The following CDON variants were observed in gnomAD, a reference collection of about 807,000 sequenced individuals.
CDON encodes the protein cell adhesion molecule-related/down-regulated by oncogenes.
Under a neutral mutation model 120.9 loss-of-function variants are expected in CDON, and 73 were observed. The ratio of observed to expected loss-of-function variants is 0.60; its 90% confidence interval spans 0.50 to 0.73. The LOEUF is 0.73. Among genes scored for constraint, CDON ranks in the 30% least tolerant of loss-of-function variants. CDON has a pLI of 0.00. For synonymous variants in CDON, 566 were observed against 573.5 expected (o/e 0.99, Z 0.19); for missense variants, 1,470 against 1,587.3 (o/e 0.93, Z 1.26).
intron 1 of CDON, among the ~76,000 whole-genome samples, chr11:126,026,226 TATTC>T (rs1362127250): frequency 1.3e-5 from 2 of 152,252 alleles, no homozygotes; most frequent in Non-Finnish European, 2.9e-5. Flanking sequence ...TTCACTCACT[TATTC>T]ATTCATATGT....
At chr11:126,009,206 GT>G (rs1947219650) in intron 8 of CDON, among the ~76,000 whole-genome samples, 1 of 152,186 alleles carries the variant, frequency 6.6e-6, no homozygotes, top group African/African-American at 2.4e-5. Context: ...GAAGTCCCTG[GT>G]CTCCACCACT....
chr11:125,994,432 G>T, intron 13 of CDON, 43 bp from the exon 14 acceptor site: 1 of 1,020,550 alleles, frequency 9.8e-7, no homozygotes, highest in Non-Finnish European at 1.6e-6. Flanking sequence ...AAAAATTAAT[G>T]TAACCTTCTC....
rs1054067846 is a variant in CDON, at chr11:126,004,240, A to C, written c.1852-164T>G. On this transcript the variant is annotated intron_variant, in intron 9 of 19. Coordinates refer to ENST00000531738, the MANE Select transcript of CDON (RefSeq NM_001378964.1). ...GACACAATACTTCTTCATATTAAGA[A>C]ATAGAAGATCTGCTGCAAGAACGCT... 5.5e-6 allele frequency: 4 copies of C among 726,980 alleles called. No individual in the cohort carries two copies. The African/African-American group carries it at 7.0e-5, about 13-fold the overall frequency. 45.0% of individuals were successfully genotyped at this position (726,980 alleles called of 1,614,324 possible).
intron 6 of CDON, 103 bp from the exon 7 acceptor site, chr11:126,015,613 C>CG: frequency 1.6e-6 from 2 of 1,223,014 alleles, no homozygotes; most frequent in Non-Finnish European, 2.3e-6. Flanking sequence ...CCAGTTGAAA[C>CG]AAAGTTGCAT....
At chr11:126,029,344 C>T (rs1260891061) in intron 1 of CDON, among the ~76,000 whole-genome samples, 1 of 152,146 alleles carries the variant, frequency 6.6e-6, no homozygotes, top group Non-Finnish European at 1.5e-5. Context: ...CAAAATCTCG[C>T]TTTTTACCCA....
At chr11:126,002,670 T>C (rs1032444741) in intron 10 of CDON, among the ~76,000 whole-genome samples, 4 of 152,196 alleles carry the variant, frequency 2.6e-5, no homozygotes, top group African/African-American at 9.6e-5. Flanking sequence ...AAATCTCCTG[T>C]GGTACTTGGC....
intron 7 of CDON, among the ~76,000 whole-genome samples, chr11:126,012,448 C>T (rs1038503212): frequency 1.3e-4 from 20 of 151,954 alleles, no homozygotes; most frequent in African/African-American, 4.6e-4. Flanking sequence ...GTCGCCCAGG[C>T]CGGAGTGCAG....
chr11:125,993,487 A>T (rs546846754), intron 14 of CDON, among the ~76,000 whole-genome samples: 1 of 152,216 alleles, frequency 6.6e-6, no homozygotes, highest in Non-Finnish European at 1.5e-5. Flanking sequence ...GTTAGAAACT[A>T]CAGCAAGGTA....
chr11:126,016,536 C>T (rs1391542568), intron 6 of CDON, among the ~76,000 whole-genome samples: 2 of 152,106 alleles, frequency 1.3e-5, no homozygotes, highest in Non-Finnish European at 2.9e-5. Flanking sequence ...GGGTTCAAAC[C>T]ACCCTCCCAC....
intron 15 of CDON, among the ~76,000 whole-genome samples, chr11:125,984,765 T>A (rs1946418030): frequency 6.6e-6 from 1 of 152,122 alleles, no homozygotes; most frequent in Non-Finnish European, 1.5e-5. Context: ...AGATACACTT[T>A]GAGCTAAACA....
At chr11:126,031,899 A>G (rs747226059) in intron 1 of CDON, among the ~76,000 whole-genome samples, 4 of 152,330 alleles carry the variant, frequency 2.6e-5, no homozygotes, top group Middle Eastern at 3.4e-3. Flanking sequence ...TTTGACAAGC[A>G]TAATAAACTC....
intron 1 of CDON, among the ~76,000 whole-genome samples, chr11:126,055,896 GAA>G (rs972941184): frequency 1.3e-5 from 2 of 152,188 alleles, no homozygotes; most frequent in African/African-American, 2.4e-5. Context: ...CATTTAAAGT[GAA>G]AAGAGCCAGC....
At chr11:126,029,398 G>T (rs367543612) in intron 1 of CDON, among the ~76,000 whole-genome samples, 1 of 152,084 alleles carries the variant, frequency 6.6e-6, no homozygotes, top group South Asian at 2.1e-4. Context: ...TCATTACACC[G>T]TGTGGTTTTA....
At chr11:126,060,456 C>T (rs913886146) in intron 1 of CDON, among the ~76,000 whole-genome samples, 5 of 152,098 alleles carry the variant, frequency 3.3e-5, no homozygotes, top group African/African-American at 4.8e-5. Flanking sequence ...TATTTTCTAA[C>T]GCTTCCCTGA....
rs370237868 is a variant in CDON, at chr11:125,989,725, C to T, written c.2685G>A (p.Gln895=). 13 of 1,613,060 alleles carry T rather than the reference C, an allele frequency of 8.1e-6. No homozygotes were observed. In the African/African-American group the frequency reaches 1.6e-4, roughly 20 times the overall value. The change falls in exon 15 of 20, where the codon CAG becomes CAA. Residue 895 remains glutamine (Q), a synonymous_variant. Transcript: ENST00000531738. ...SKQWHMIGHL[Q]PETSYDIKMQ... is the part of the protein sequence containing the mutation. Reference sequence around the variant, plus strand: ...TTTTAATGTCATAGGAGGTTTCTGGCTGCAGGTGGCCAATCATGTGCCACT... The same window carrying T: ...TTTTAATGTCATAGGAGGTTTCTGGTTGCAGGTGGCCAATCATGTGCCACT...
intron 1 of CDON, among the ~76,000 whole-genome samples, chr11:126,049,803 C>T (rs1208499301): frequency 6.6e-6 from 1 of 152,128 alleles, no homozygotes; most frequent in Non-Finnish European, 1.5e-5. Flanking sequence ...GGTGCAGGGG[C>T]ACCATGGAAC....
intron 18 of CDON, among the ~76,000 whole-genome samples, chr11:125,967,928 C>T (rs1945850767): frequency 6.6e-6 from 1 of 152,120 alleles, no homozygotes; most frequent in Non-Finnish European, 1.5e-5. Context: ...CATTATGTTG[C>T]CCAGTCTGGT....
chr11:126,033,876 G>A (rs1335301380), intron 1 of CDON, among the ~76,000 whole-genome samples: 4 of 152,126 alleles, frequency 2.6e-5, no homozygotes, highest in Non-Finnish European at 1.5e-5. Flanking sequence ...AGAAACTTAA[G>A]AATTTCTTAA....
Position 125,994,385 on chromosome 11 carries a change from A to C in CDON, c.2549T>G (p.Ile850Ser), listed in dbSNP as rs1198148809. ...DTQIMLKWTYIPSSNNNTPIQ... is the reference protein window; with the variant it reads ...DTQIMLKWTYSPSSNNNTPIQ... ...GGGAGTGTTATTGTTACTTGATGGA[A>C]TGTACTAAAAAACAGAAGCAAAGAC... The change falls in exon 14 of 20, where the codon ATT becomes AGT. Residue 850 changes from isoleucine (I) to serine (S), a missense_variant. Physicochemically the swap from Ile to Ser is moderately radical, Grantham distance 142. Transcript: ENST00000531738. 4.6e-6 allele frequency: 7 copies of C among 1,511,736 alleles called. No individual in the cohort carries two copies. The highest frequency in any genetic ancestry group is 6.4e-6 in the Non-Finnish European group (7 of 1,086,704). The allele number at this position is 1,511,736 out of a possible 1,614,324, so 93.6% of individuals were successfully genotyped here.
Sources: gnomAD v4.1 joint callset for allele counts (sites outside exome capture counted in the v4.1 genomes callset) on GRCh38, gnomAD v4.1.1 for gene constraint, MANE v1.5 for transcripts, NCBI Gene and HGNC (gene_info 2026-07-23, HGNC 2026-07-21) for gene names.